The following TNRC6A variants were observed in gnomAD, a reference collection of about 807,000 sequenced individuals.
TNRC6A encodes trinucleotide repeat-containing gene 6A protein.
TNRC6A carries 44 observed loss-of-function variants against 221.2 expected under a neutral mutation model. The observed-to-expected ratio is 0.20, with a 90% confidence interval of 0.16 to 0.26. The LOEUF (loss-of-function observed/expected upper bound fraction) is 0.26, where lower values mean the gene tolerates loss of function less well. Ranked by LOEUF, TNRC6A falls within the 10% of genes least tolerant of loss-of-function variation. The pLI, the probability that TNRC6A is intolerant of heterozygous loss-of-function variation, is 1.00. For synonymous variants in TNRC6A, 847 were observed against 838.5 expected, an observed-to-expected ratio of 1.01 and a Z score of -0.18; for missense variants, 2,199 against 2,404.4, an observed-to-expected ratio of 0.91 and a Z score of 1.79.
At chr16:24,721,943 G>A (rs2056416917) in intron 2 of TNRC6A, among the ~76,000 whole-genome samples, 1 of 152,148 alleles carries the variant, frequency 6.6e-6, no homozygotes, top group African/African-American at 2.4e-5. Flanking sequence ...AAAACAGACA[G>A]CACTAATTTG....
intron 4 of TNRC6A, among the ~76,000 whole-genome samples, chr16:24,768,324 T>A (rs2057518181): frequency 6.7e-6 from 1 of 149,958 alleles, no homozygotes. Flanking sequence ...TCCCAGCTAC[T>A]CGGGAGGCTG....
chr16:24,703,160 A>C (rs7184750), intron 2 of TNRC6A, among the ~76,000 whole-genome samples: 76,124 of 151,674 alleles, frequency 0.5, 20,689 homozygotes, highest in East Asian at 0.86. Flanking sequence ...TTTATTCACC[A>C]CCTAAAAAAC....
At position 24,805,481 on chromosome 16, in the gene TNRC6A, G is replaced by A. The variant is rs144662944; in HGVS notation, c.4123-124G>A. 3.4e-4 allele frequency: 468 copies of A among 1,367,712 alleles called. 5 individuals carry two copies. The East Asian group carries it at 7.9e-3, about 23-fold the overall frequency. The allele number at this position is 1,367,712 out of a possible 1,614,324, so 84.7% of individuals were successfully genotyped here. On this transcript the variant is annotated intron_variant, in intron 14 of 24. Transcript: ENST00000395799. ...GGTCAGTTAGTAAGACAGAGACAAA[G>A]ACTATAACCCCCAATGAATAGTCCA...
intron 20 of TNRC6A, among the ~76,000 whole-genome samples, chr16:24,818,112 G>A (rs1448987931): frequency 6.6e-6 from 1 of 152,152 alleles, no homozygotes; most frequent in African/African-American, 2.4e-5. Flanking sequence ...AAAATGGAAA[G>A]CTACACCAGG....
At chr16:24,647,445 G>A (rs1481942247) in intron 2 of TNRC6A, among the ~76,000 whole-genome samples, 2 of 152,078 alleles carry the variant, frequency 1.3e-5, no homozygotes, top group Non-Finnish European at 2.9e-5. Context: ...ATTTTATTCT[G>A]ATTTCAACTA....
At chr16:24,749,462 A>G (rs1009349826) in intron 2 of TNRC6A, among the ~76,000 whole-genome samples, 7 of 152,180 alleles carry the variant, frequency 4.6e-5, no homozygotes, top group African/African-American at 1.4e-4. Flanking sequence ...AGCAGCTACT[A>G]TCTGTGGCTG....
Position 24,642,539 on chromosome 16 carries a change from C to T in TNRC6A, n.402+1530C>T, listed in dbSNP as rs143582310. Among the ~76,000 whole-genome samples, 162 of 152,218 alleles carry T rather than the reference C, an allele frequency of 1.1e-3. 1 individual carries two copies. Among genetic ancestry groups the T allele is most frequent in the Middle Eastern group, 3.4e-3 (1 of 294 alleles). ...GAATAGCTTAAGAACAGAATCAGGC[C>T]GAGCGCAGTGGCTCACACCTGTAAT... is the stretch of plus-strand genomic sequence containing the variant. On this transcript the variant is annotated intron_variant and non_coding_transcript_variant, in intron 2 of 2. Coordinates refer to the TNRC6A transcript ENST00000566108.
Position 24,666,870 on chromosome 16 carries a change from T to G in TNRC6A, n.402+25861T>G, listed in dbSNP as rs544271925. ...GTGGCTCACACCTGTAATCCCAGCATTTTGGGAGGCTGAGGCGGGTGGATC... is the reference window on the plus strand; with the variant it reads ...GTGGCTCACACCTGTAATCCCAGCAGTTTGGGAGGCTGAGGCGGGTGGATC... On this transcript the variant is annotated intron_variant and non_coding_transcript_variant, in intron 2 of 2. Transcript: ENST00000566108. 2.3e-3 allele frequency among the ~76,000 whole-genome samples: 343 copies of G among 151,114 alleles called. 2 individuals carry two copies. Among genetic ancestry groups the G allele is most frequent in the African/African-American group, 8.0e-3 (328 of 41,188 alleles).
intron 2 of TNRC6A, among the ~76,000 whole-genome samples, chr16:24,720,168 A>G (rs1055884380): frequency 5.3e-5 from 8 of 152,230 alleles, no homozygotes; most frequent in African/African-American, 7.2e-5. Context: ...AGCAGAAAAG[A>G]AGATGATCTC....
intron 2 of TNRC6A, among the ~76,000 whole-genome samples, chr16:24,669,839 A>C (rs1355106855): frequency 6.6e-6 from 1 of 151,624 alleles, no homozygotes; most frequent in Non-Finnish European, 1.5e-5. Flanking sequence ...TTATAGTAAT[A>C]ATAGCAACCA....
At chr16:24,680,592 C>T (rs1220077104) in intron 2 of TNRC6A, among the ~76,000 whole-genome samples, 1 of 151,556 alleles carries the variant, frequency 6.6e-6, no homozygotes, top group Non-Finnish European at 1.5e-5. Flanking sequence ...TGGCACGCAC[C>T]TGTAGTCCCA....
intron 1 of TNRC6A, among the ~76,000 whole-genome samples, chr16:24,622,533 G>A (rs773810683): frequency 5.9e-5 from 9 of 152,164 alleles, no homozygotes; most frequent in Non-Finnish European, 1.3e-4. Flanking sequence ...GGCAGAGGTT[G>A]CAGTGAGCCG....
At chr16:24,692,369 G>A (rs536741996) in intron 2 of TNRC6A, among the ~76,000 whole-genome samples, 1 of 152,208 alleles carries the variant, frequency 6.6e-6, no homozygotes, top group East Asian at 1.9e-4. Flanking sequence ...CCAGGAGTTC[G>A]AAACCAGCCT....
chr16:24,792,346 T>G (rs1219061888), intron 6 of TNRC6A, among the ~76,000 whole-genome samples: 1 of 152,186 alleles, frequency 6.6e-6, no homozygotes, highest in Non-Finnish European at 1.5e-5. Flanking sequence ...ATGAACTAAT[T>G]CCTATCTCTG....
chr16:24,723,194 C>A (rs986863226), intron 2 of TNRC6A, among the ~76,000 whole-genome samples: 3 of 152,204 alleles, frequency 2.0e-5, no homozygotes, highest in African/African-American at 7.2e-5. Context: ...CTCTTCTCAT[C>A]CTCCACAGCA....
chr16:24,716,731 G>C (rs757443067), intron 2 of TNRC6A, among the ~76,000 whole-genome samples: 1 of 151,826 alleles, frequency 6.6e-6, no homozygotes, highest in Non-Finnish European at 1.5e-5. Flanking sequence ...AGGCTGAGGC[G>C]GGCAGATCAC....
At chr16:24,643,997 TCC>T (rs1410937429) in intron 2 of TNRC6A, among the ~76,000 whole-genome samples, 1 of 151,422 alleles carries the variant, frequency 6.6e-6, no homozygotes, top group Admixed American at 6.6e-5. Flanking sequence ...TACATAATTC[TCC>T]CAGCAGGAAC....
At chr16:24,822,841 C>A (rs2058794373) in intron 23 of TNRC6A, 33 bp from the exon 24 acceptor site, 2 of 1,611,986 alleles carry the variant, frequency 1.2e-6, no homozygotes, top group African/African-American at 1.3e-5. Flanking sequence ...CGCGGTGACG[C>A]CTCTCACTGG....
intron 1 of TNRC6A, among the ~76,000 whole-genome samples, chr16:24,621,345 CTTTTT>C (rs1265818474): frequency 1.4e-5 from 1 of 73,948 alleles, no homozygotes; most frequent in Admixed American, 1.8e-4. Flanking sequence ...AGAATATGGT[CTTTTT>C]TTTTTTTTTT....
Sources: gnomAD v4.1 joint callset for allele counts (sites outside exome capture counted in the v4.1 genomes callset) on GRCh38, gnomAD v4.1.1 for gene constraint, MANE v1.5 for transcripts, NCBI Gene and HGNC (gene_info 2026-07-23, HGNC 2026-07-21) for gene names.